The following ARSB variants were observed in gnomAD, a reference collection of about 807,000 sequenced individuals.
ARSB encodes the protein N-acetylgalactosamine-4-sulfatase.
In ARSB, 41 loss-of-function variants were observed where a neutral mutation model predicts 50.9. That is an observed-to-expected ratio of 0.81 (90% CI 0.63 to 1.04). ARSB has a LOEUF of 1.04. Among genes scored for constraint, ARSB ranks in the 50% least tolerant of loss-of-function variants. The pLI is 0.00. For synonymous variants in ARSB, 269 were observed against 284.8 expected, an observed-to-expected ratio of 0.94 and a Z score of 0.56; for missense variants, 672 against 693.3, an observed-to-expected ratio of 0.97 and a Z score of 0.35.
At chr5:78,827,223 T>C (rs1371322507) in intron 6 of ARSB, among the ~76,000 whole-genome samples, 1 of 152,186 alleles carries the variant, frequency 6.6e-6, no homozygotes, top group African/African-American at 2.4e-5. Context: ...CCTGCCTTTT[T>C]TTTGAAATAG....
At chr5:78,925,335 C>A (rs1056710568) in intron 4 of ARSB, among the ~76,000 whole-genome samples, 1 of 152,046 alleles carries the variant, frequency 6.6e-6, no homozygotes, top group Non-Finnish European at 1.5e-5. Context: ...AAAATAAATG[C>A]CATTCATTTC....
At position 78,885,130 on chromosome 5, in the gene ARSB, TAGA is replaced by T. The variant is rs749388678; in HGVS notation, c.1142+451_1142+453del. 7.9e-5 allele frequency: 13 copies of T among 163,554 alleles called. No homozygotes were observed. In the East Asian group the frequency reaches 1.2e-3, roughly 15 times the overall value. The allele number at this position is 163,554 out of a possible 1,614,324, so 10.1% of individuals were successfully genotyped here. A position where few individuals can be genotyped will look rare whatever the true frequency, so the allele number is the denominator to read the frequency against. On this transcript the variant is annotated intron_variant, in intron 5 of 7. Coordinates refer to ENST00000264914, the MANE Select transcript of ARSB (RefSeq NM_000046.5). ...TGTTCATTCCTAATTTCTCAGCATC[TAGA>T]AGAAGGTATGGCACATAGTAGGTGC...
chr5:78,945,166 TGCCGTCTGTCAC>T (rs1434087433), intron 4 of ARSB, among the ~76,000 whole-genome samples: 1 of 152,148 alleles, frequency 6.6e-6, no homozygotes, highest in Non-Finnish European at 1.5e-5. Flanking sequence ...ATTTTCCAGG[TGCCGTCTGTCAC>T]CCCTTTCTTT....
intron 4 of ARSB, among the ~76,000 whole-genome samples, chr5:78,944,804 C>T (rs1326549472): frequency 3.3e-5 from 5 of 152,190 alleles, no homozygotes; most frequent in African/African-American, 1.2e-4. Flanking sequence ...CTCTTCAAAG[C>T]TGTTAGACAG....
At chr5:78,781,046 T>A (rs550731074) in intron 7 of ARSB, among the ~76,000 whole-genome samples, 2 of 152,198 alleles carry the variant, frequency 1.3e-5, no homozygotes, top group African/African-American at 4.8e-5. Context: ...ATTGTAAACA[T>A]TGATTAATTA....
chr5:78,935,826 T>C (rs902374585), intron 4 of ARSB, among the ~76,000 whole-genome samples: 1 of 152,114 alleles, frequency 6.6e-6, no homozygotes, highest in Non-Finnish European at 1.5e-5. Flanking sequence ...CAAGATTGCA[T>C]AGGCATCAGT....
intron 4 of ARSB, among the ~76,000 whole-genome samples, chr5:78,912,368 G>A (rs1749348213): frequency 6.6e-6 from 1 of 152,210 alleles, no homozygotes; most frequent in Non-Finnish European, 1.5e-5. Flanking sequence ...AGGAAAGTGA[G>A]GTCATGGAGT....
chr5:78,955,031 T>A (rs1236372517), intron 4 of ARSB, among the ~76,000 whole-genome samples: 2 of 152,178 alleles, frequency 1.3e-5, no homozygotes, highest in African/African-American at 4.8e-5. Flanking sequence ...ATATGAGTGA[T>A]GTCCACTCAT....
chr5:78,913,163 C>T (rs1432922980), intron 4 of ARSB, among the ~76,000 whole-genome samples: 5 of 148,270 alleles, frequency 3.4e-5, no homozygotes, highest in African/African-American at 1.2e-4. Flanking sequence ...GTCTCGCTGT[C>T]GCCCAGGCTG....
chr5:78,941,459 A>G (rs1201461958), intron 4 of ARSB, among the ~76,000 whole-genome samples: 1 of 152,188 alleles, frequency 6.6e-6, no homozygotes, highest in Non-Finnish European at 1.5e-5. Context: ...ACGTCCCATC[A>G]ATATCTAATT....
intron 6 of ARSB, among the ~76,000 whole-genome samples, chr5:78,820,888 G>A (rs1050405668): frequency 2.6e-5 from 4 of 151,794 alleles, no homozygotes; most frequent in South Asian, 2.1e-4. Context: ...TTATACTTAC[G>A]GATCTGGAAA....
intron 4 of ARSB, among the ~76,000 whole-genome samples, chr5:78,930,866 C>A (rs1161192772): frequency 6.6e-6 from 1 of 152,230 alleles, no homozygotes; most frequent in Non-Finnish European, 1.5e-5. Flanking sequence ...CCAAGCACAG[C>A]GGGGTGGTCC....
In ARSB at chr5:78,979,904, A is replaced by G. The variant is rs1012613309; in HGVS notation, c.312+5033T>C. ...AAAAAGCGCAAACAACCTAATGTCC[A>G]TGAATTGATGAATGTATGAACAAAA... On this transcript the variant is annotated intron_variant, in intron 1 of 7. Coordinates refer to ENST00000264914, the MANE Select transcript of ARSB (RefSeq NM_000046.5). Among the ~76,000 whole-genome samples the G allele has an allele frequency of 3.3e-5, 5 of 152,264 alleles. No homozygotes were observed. The South Asian group carries it at 8.3e-4, about 25-fold the overall frequency.
At chr5:78,854,774 T>G (rs1456971995) in intron 5 of ARSB, among the ~76,000 whole-genome samples, 1 of 152,240 alleles carries the variant, frequency 6.6e-6, no homozygotes, top group African/African-American at 2.4e-5. Flanking sequence ...CTAGTGGTGA[T>G]GAATTCCCTC....
chr5:78,948,370 T>C (rs1366123037), intron 4 of ARSB, among the ~76,000 whole-genome samples: 2 of 152,200 alleles, frequency 1.3e-5, no homozygotes, highest in Admixed American at 6.5e-5. Flanking sequence ...ATGATTACTA[T>C]GCATTGTGTG....
At chr5:78,914,704 T>G (rs1749463814) in intron 4 of ARSB, among the ~76,000 whole-genome samples, 1 of 152,114 alleles carries the variant, frequency 6.6e-6, no homozygotes, top group African/African-American at 2.4e-5. Flanking sequence ...TGAGACAGAG[T>G]CTCGCTCTGT....
chr5:78,793,742 T>C (rs1022429982), intron 6 of ARSB, among the ~76,000 whole-genome samples: 2 of 152,150 alleles, frequency 1.3e-5, no homozygotes, highest in Non-Finnish European at 2.9e-5. Context: ...TGATCAATTT[T>C]GATGGGTGTT....
chr5:78,789,960 T>G (rs1749192399), intron 6 of ARSB, among the ~76,000 whole-genome samples: 1 of 152,084 alleles, frequency 6.6e-6, no homozygotes, highest in Non-Finnish European at 1.5e-5. Context: ...ATTAGAGGTG[T>G]GCAAGCAAGG....
At chr5:78,943,173 T>C (rs1330879920) in intron 4 of ARSB, among the ~76,000 whole-genome samples, 1 of 152,216 alleles carries the variant, frequency 6.6e-6, no homozygotes, top group Non-Finnish European at 1.5e-5. Context: ...CCTATGTGTG[T>C]CTTTGCACGT....
Sources: allele counts gnomAD v4.1 joint callset (sites outside exome capture counted in the v4.1 genomes callset), GRCh38; gene constraint gnomAD v4.1.1; transcripts MANE v1.5; gene names NCBI Gene and HGNC (gene_info 2026-07-23, HGNC 2026-07-21).